DBN1: variants seen among roughly 807,000 people sequenced by gnomAD.
The protein encoded by DBN1 is drebrin.
A neutral mutation model predicts 83.5 loss-of-function variants in DBN1; 21 were observed. That is an observed-to-expected ratio of 0.25 (90% CI 0.18 to 0.36). DBN1 has a LOEUF of 0.36. Ranked by LOEUF, DBN1 falls within the 10% of genes least tolerant of loss-of-function variation. The pLI is 1.00. For missense variants in DBN1, 874 were observed against 935.7 expected (o/e 0.93, Z 0.86); for synonymous variants, 381 against 384.9 (o/e 0.99, Z 0.12).
In DBN1 at chr5:177,467,017, C is replaced by G; in HGVS notation, c.601G>C (p.Asp201His). The G allele has an allele frequency of 6.2e-7, 1 of 1,613,898 alleles. No homozygotes were observed. The highest frequency in any genetic ancestry group is 8.5e-7 in the Non-Finnish European group (1 of 1,179,954). ...TCCTGCTCGAACCTGAGCCTCTCAT[C>G]CAGGGCCTTCTTCCGCTCCTCCTCC... ...RKEEERKKAL[D>H]ERLRFEQERM... Residue 201 changes from aspartate to histidine, a missense_variant, in exon 7 of 15, where the codon GAT becomes CAT. Asp to His is a moderately conservative substitution (Grantham distance 81, BLOSUM62 -1). Transcript: ENST00000393565. The surrounding 1 kb of genome is among the most constrained non-coding windows in gnomAD (Gnocchi z 9.1).
At chr5:177,461,512 G>A (rs115766853) in intron 8 of DBN1, among the ~76,000 whole-genome samples, 1 of 152,068 alleles carries the variant, frequency 6.6e-6, no homozygotes, top group African/African-American at 2.4e-5. Context: ...TTCCCTCAGG[G>A]CCCTCAGCCA....
In DBN1 at chr5:177,459,728, C is replaced by T; in HGVS notation, c.968G>A (p.Cys323Tyr). Residue 323 changes from cysteine to tyrosine, a missense_variant, in exon 11 of 15, where the codon TGC becomes TAC. Around this residue, in one of 4 missense-constraint regions of DBN1, gnomAD observed 725 missense variants for 719.7 expected, o/e 1.01. Transcript: ENST00000393565. The stretch of plus-strand genomic sequence containing the variant: ...ACTGTCCGATGCCTTTATGAAAGGG[C>T]AGTACGGACGACCTGCCGAGAGAGA... ...PFNHRPGRPY[C>Y]PFIKASDSGP... 6.5e-7 allele frequency: 1 copy of T among 1,534,878 alleles called. No individual in the cohort carries two copies. Among genetic ancestry groups the T allele is most frequent in the Non-Finnish European group, 8.8e-7 (1 of 1,140,774 alleles).
Position 177,460,465 on chromosome 5 carries a change from A to T in DBN1, c.922T>A (p.Cys308Ser). 1 of 1,614,112 alleles carries T rather than the reference A, an allele frequency of 6.2e-7. No homozygotes were observed. Among genetic ancestry groups the T allele is most frequent in the Non-Finnish European group, 8.5e-7 (1 of 1,179,988 alleles). The stretch of plus-strand genomic sequence containing the variant: ...TGGTTGAAGGGCGAGGGTACATCAC[A>T]GCTGCCCGCAGAGGCCGATGCGACT... ...ERVASASAGS[C>S]DVPSPFNHRP... is the part of the protein sequence containing the mutation. Residue 308 changes from cysteine (C) to serine (S), a missense_variant, in exon 10 of 15, where the codon TGT becomes AGT. Physicochemically the swap from Cys to Ser is moderately radical, Grantham distance 112. Transcript: ENST00000393565.
At chr5:177,460,396 G>A (rs1429705042) in intron 10 of DBN1, 36 bp downstream of exon 10, 5 of 1,612,360 alleles carry the variant, frequency 3.1e-6, no homozygotes, top group South Asian at 1.1e-5. Flanking sequence ...GCAACCTGAG[G>A]AGTGGGGCCG....
chr5:177,471,608 T>G (rs1275236494), intron 1 of DBN1, among the ~76,000 whole-genome samples: 1 of 152,178 alleles, frequency 6.6e-6, no homozygotes, highest in African/African-American at 2.4e-5. Flanking sequence ...GGTATTCATA[T>G]TCTCTTGTGT....
Position 177,467,619 on chromosome 5 carries a change from G to C in DBN1, c.339C>G (p.Asp113Glu). ...AKVAEFFQGV[D>E]VIVNASSVED... Reference sequence around the variant, plus strand: ...CCACGCTGCTGGCGTTCACGATCACGTCGACACCCTTCCGCAAGAAGACGG... The same window carrying C: ...CCACGCTGCTGGCGTTCACGATCACCTCGACACCCTTCCGCAAGAAGACGG... Residue 113 changes from aspartate (D) to glutamate (E), a missense_variant, in exon 5 of 15, where the codon GAC becomes GAG. By Grantham distance (45) the Asp-to-Glu change is conservative (BLOSUM62 2). Around this residue, in one of 4 missense-constraint regions of DBN1, gnomAD observed 65 missense variants for 97.3 expected, o/e 0.67. Transcript: ENST00000393565. This position sits in a 1 kb window ranked among gnomAD's most constrained non-coding sequence, Gnocchi z 9.1. The C allele has an allele frequency of 6.4e-7, 1 of 1,573,056 alleles. No homozygotes were observed. Among genetic ancestry groups the C allele is most frequent in the Non-Finnish European group, 8.6e-7 (1 of 1,159,088 alleles).
Position 177,457,227 on chromosome 5 carries a change from A to AACT in DBN1, c.*205_*206insAGT. The AACT allele has an allele frequency of 1.7e-6, 1 of 593,090 alleles. No individual in the cohort carries two copies. The highest frequency in any genetic ancestry group is 1.9e-5 in the African/African-American group (1 of 53,772). The allele number at this position is 593,090 out of a possible 1,614,324, so 36.7% of individuals were successfully genotyped here. On this transcript the variant is annotated 3_prime_UTR_variant, in exon 15 of 15. Coordinates refer to ENST00000393565, the MANE Select transcript of DBN1 (RefSeq NM_001363541.2). The stretch of plus-strand genomic sequence containing the variant: ...GAGAGGAAAGCCAGTCAACTGTACA[A>AACT]GTCTCCTATCAACTTTTTAAAAAAA...
In DBN1 at chr5:177,458,669, TCTC is replaced by T. The variant is rs1201129686; in HGVS notation, c.1300_1302del (p.Glu434del). On this transcript the variant is annotated inframe_deletion, in exon 13 of 15. Coordinates refer to ENST00000393565, the MANE Select transcript of DBN1 (RefSeq NM_001363541.2). ...CAGGCCTGAGGGGCTGCTGCTCTGG[TCTC>T]CTCACTGTCTAGGATGGGGCTGGGC... 3.8e-6 allele frequency: 6 copies of T among 1,569,288 alleles called. No homozygotes were observed. Among genetic ancestry groups the T allele is most frequent in the Non-Finnish European group, 5.2e-6 (6 of 1,160,518 alleles).
chr5:177,468,031 TCCCCAGCCCCGGCCGCA>T, intron 3 of DBN1, 60 bp downstream of exon 3: 1 of 685,826 alleles, frequency 1.5e-6, no homozygotes, highest in Non-Finnish European at 2.6e-6. Context: ...TCAGCCCCCT[TCCCCAGCCCCGGCCGCA>T]TACCCAGTTG....
intron 1 of DBN1, chr5:177,472,046 C>A: frequency 1.3e-6 from 2 of 1,514,216 alleles, no homozygotes; most frequent in East Asian, 2.5e-5. Flanking sequence ...ATCTCAGCCC[C>A]CCTGGGGCAG....
chr5:177,468,175 A>G lies in DBN1; in HGVS notation c.188T>C (p.Val63Ala). Residue 63 changes from valine to alanine, a missense_variant, in exon 3 of 15, where the codon GTG becomes GCG. Val to Ala is a moderately conservative substitution (Grantham distance 64). This residue lies in a region of DBN1 where 82 missense variants were observed against 101.7 expected (regional missense o/e 0.81). Transcript: ENST00000393565. ...CTTGACACTGCAGAAGCCGTACATC[A>G]CCTTCTGGTTCTCAAAGTGTCCCGA... The part of the protein sequence containing the change: ...ELSGHFENQK[V>A]MYGFCSVKDS... 6.2e-7 allele frequency: 1 copy of G among 1,614,056 alleles called. No individual in the cohort carries two copies. Among genetic ancestry groups the G allele is most frequent in the Non-Finnish European group, 8.5e-7 (1 of 1,180,014 alleles).
intron 1 of DBN1, among the ~76,000 whole-genome samples, chr5:177,471,050 A>T (rs906098591): frequency 6.6e-6 from 1 of 152,146 alleles, no homozygotes; most frequent in African/African-American, 2.4e-5. Context: ...TATGTGTGAT[A>T]TTGACACCAA....
intron 8 of DBN1, among the ~76,000 whole-genome samples, chr5:177,464,541 T>C (rs1757274971): frequency 6.6e-6 from 1 of 151,516 alleles, no homozygotes; most frequent in Non-Finnish European, 1.5e-5. Flanking sequence ...GGGCAGATCA[T>C]GAGGTTAAGA....
rs1554103859 is a variant in DBN1 at position 177,467,973 on chromosome 5, C to CT, written c.255+134dup. The CT allele has an allele frequency of 8.2e-7, 1 of 1,221,848 alleles. No individual in the cohort carries two copies. Among genetic ancestry groups the CT allele is most frequent in the South Asian group, 1.3e-5 (1 of 79,030 alleles). 75.7% of individuals were successfully genotyped at this position (1,221,848 alleles called of 1,614,324 possible). The stretch of plus-strand genomic sequence containing the variant: ...GCGACTGCTCTGGGCCTTCAGTTCC[C>CT]TTCCCCAGCCCCGGCCGCATACCCA... On this transcript the variant is annotated intron_variant, in intron 3 of 14. Coordinates refer to ENST00000393565, the MANE Select transcript of DBN1 (RefSeq NM_001363541.2). This position sits in a 1 kb window ranked among gnomAD's most constrained non-coding sequence, Gnocchi z 9.1.
chr5:177,460,515 C>T lies in DBN1; in HGVS notation c.872G>A (p.Arg291Lys), dbSNP rs2127394752. Residue 291 changes from arginine (R) to lysine (K), a missense_variant, in exon 10 of 15, where the codon AGG (arginine) becomes AAG (lysine). Transcript: ENST00000393565. ...TCTTTCCTGCTGCTTGAAGAACTCC[C>T]TTGGGTTGTCAGGCCGCTGGGCAAT... Reference protein sequence around the residue: ...AIIAQRPDNPREFFKQQERVA... With the variant: ...AIIAQRPDNPKEFFKQQERVA... The T allele has an allele frequency of 6.2e-7, 1 of 1,614,184 alleles. No homozygotes were observed. The highest frequency in any genetic ancestry group is 8.5e-7 in the Non-Finnish European group (1 of 1,180,010).
Position 177,460,458 on chromosome 5 carries a change from A to C in DBN1, c.929T>G (p.Val310Gly). 1 of 1,614,088 alleles carries C rather than the reference A, an allele frequency of 6.2e-7. No individual in the cohort carries two copies. Residue 310 changes from valine to glycine, a missense_variant, in exon 10 of 15, where the codon GTA becomes GGA. By Grantham distance (109) the Val-to-Gly change is moderately radical. Coordinates refer to ENST00000393565, the MANE Select transcript of DBN1 (RefSeq NM_001363541.2). ...TGGTCGATGGTTGAAGGGCGAGGGTACATCACAGCTGCCCGCAGAGGCCGA... is the reference window on the plus strand; with the variant it reads ...TGGTCGATGGTTGAAGGGCGAGGGTCCATCACAGCTGCCCGCAGAGGCCGA... ...VASASAGSCD[V>G]PSPFNHRPGR... is the part of the protein sequence containing the mutation.
intron 1 of DBN1, among the ~76,000 whole-genome samples, chr5:177,469,482 C>T (rs1001532598): frequency 6.6e-6 from 1 of 152,182 alleles, no homozygotes; most frequent in Admixed American, 6.5e-5. Context: ...CCTCAATCTC[C>T]GCCTCTCTGA....
At chr5:177,465,769 C>A (rs556883128) in intron 8 of DBN1, among the ~76,000 whole-genome samples, 1 of 150,488 alleles carries the variant, frequency 6.6e-6, no homozygotes, top group Non-Finnish European at 1.5e-5. Context: ...GCGGGAGAAT[C>A]GCTTGAACCT....
chr5:177,465,594 G>A (rs530183568), intron 8 of DBN1, among the ~76,000 whole-genome samples: 10 of 152,088 alleles, frequency 6.6e-5, no homozygotes, highest in African/African-American at 9.7e-5. Flanking sequence ...GGTGGCTCAC[G>A]TCTATAATCC....
Sources: gnomAD v4.1 joint callset for allele counts (sites outside exome capture counted in the v4.1 genomes callset) on GRCh38, gnomAD v4.1.1 for gene constraint, gnomAD v4.1.1 regional missense constraint, Gnocchi (gnomAD v3.1) non-coding constraint, MANE v1.5 for transcripts, NCBI Gene and HGNC (gene_info 2026-07-23, HGNC 2026-07-21) for gene names.